The following IMMP2L variants were observed in gnomAD, a reference collection of about 807,000 sequenced individuals.
The protein encoded by IMMP2L is mitochondrial inner membrane protease subunit 2.
Under a neutral mutation model 19.3 loss-of-function variants are expected in IMMP2L, and 18 were observed. That is an observed-to-expected ratio of 0.93 (90% CI 0.64 to 1.38). The LOEUF (loss-of-function observed/expected upper bound fraction) is 1.38, where lower values mean the gene tolerates loss of function less well. IMMP2L is among the 40% of genes most tolerant of loss of function. The probability of loss-of-function intolerance (pLI) is 0.00; values close to 1 mark genes in which losing one functional copy is unlikely to be tolerated. For synonymous variants in IMMP2L, 76 were observed against 73.0 expected (o/e 1.04, Z -0.21); for missense variants, 233 against 218.2 (o/e 1.07, Z -0.43).
At chr7:110,932,174 A>T (rs1815566534) in intron 4 of IMMP2L, among the ~76,000 whole-genome samples, 1 of 152,096 alleles carries the variant, frequency 6.6e-6, no homozygotes. Flanking sequence ...ATACAGACTC[A>T]CGAGAGTGGG....
At chr7:111,500,945 C>T (rs866496247) in intron 2 of IMMP2L, among the ~76,000 whole-genome samples, 27 of 152,288 alleles carry the variant, frequency 1.8e-4, no homozygotes, top group Middle Eastern at 3.4e-3. Flanking sequence ...CGCAGCTCCT[C>T]ACCAGCAACG....
At chr7:111,396,903 T>A (rs1020499418) in intron 3 of IMMP2L, among the ~76,000 whole-genome samples, 1 of 151,878 alleles carries the variant, frequency 6.6e-6, no homozygotes, top group Admixed American at 6.6e-5. Context: ...GCTAACACGG[T>A]GAAACCCCAT....
chr7:111,360,510 A>G (rs920013010), intron 3 of IMMP2L, among the ~76,000 whole-genome samples: 1 of 152,072 alleles, frequency 6.6e-6, no homozygotes, highest in Non-Finnish European at 1.5e-5. Context: ...CAGATATTGA[A>G]GAGATTTATG....
chr7:110,677,022 A>G (rs879529331), intron 5 of IMMP2L, among the ~76,000 whole-genome samples: 8 of 152,314 alleles, frequency 5.3e-5, no homozygotes, highest in Admixed American at 5.2e-4. Flanking sequence ...TTGACAGTAC[A>G]GAGACACTGC....
At position 110,760,836 on chromosome 7, in the gene IMMP2L, A is replaced by G. The variant is rs1405640935; in HGVS notation, c.409-97115T>C. Among the ~76,000 whole-genome samples the G allele has an allele frequency of 6.6e-6, 1 of 152,126 alleles. No homozygotes were observed. The highest frequency in any genetic ancestry group is 1.5e-5 in the Non-Finnish European group (1 of 68,016). On this transcript the variant is annotated intron_variant, in intron 5 of 5. Transcript: ENST00000405709. This position sits in a 1 kb window ranked among gnomAD's most constrained non-coding sequence, Gnocchi z 4.2. ...GAACGCCAGATAGGATCATCACAGT[A>G]GGCACCTCACAAAGGTCATGCAGAC...
At chr7:111,372,532 G>T (rs981235240) in intron 3 of IMMP2L, among the ~76,000 whole-genome samples, 6 of 151,902 alleles carry the variant, frequency 3.9e-5, no homozygotes, top group African/African-American at 1.4e-4. Context: ...CAGATACCAA[G>T]GAAGGCAGAG....
chr7:111,187,963 TG>T (rs201488481), intron 3 of IMMP2L, among the ~76,000 whole-genome samples: 276 of 149,888 alleles, frequency 1.8e-3, no homozygotes, highest in East Asian at 4.5e-3. Context: ...ATGGATTTTT[TG>T]TTTTTTAAAG....
intron 5 of IMMP2L, among the ~76,000 whole-genome samples, chr7:110,773,896 A>T (rs1562967068): frequency 7.1e-6 from 1 of 140,174 alleles, no homozygotes; most frequent in Non-Finnish European, 1.5e-5. Flanking sequence ...CCAAATCATG[A>T]CATTGGGTAA....
At chr7:111,446,572 A>G (rs1410893953) in intron 3 of IMMP2L, among the ~76,000 whole-genome samples, 2 of 151,698 alleles carry the variant, frequency 1.3e-5, no homozygotes, top group Non-Finnish European at 2.9e-5. Context: ...ACCATCATCA[A>G]AGACCAAAAG....
At chr7:110,818,229 A>G (rs1325956611) in intron 5 of IMMP2L, among the ~76,000 whole-genome samples, 1 of 152,160 alleles carries the variant, frequency 6.6e-6, no homozygotes, top group African/African-American at 2.4e-5. Flanking sequence ...CAAAGGGCTA[A>G]TATCCAGAAT....
chr7:111,505,434 G>C (rs1389088278), intron 2 of IMMP2L, among the ~76,000 whole-genome samples: 1 of 151,970 alleles, frequency 6.6e-6, no homozygotes, highest in Non-Finnish European at 1.5e-5. Context: ...CAGGGATCTA[G>C]AACTAGAAAT....
intron 3 of IMMP2L, among the ~76,000 whole-genome samples, chr7:111,286,831 G>A (rs963763701): frequency 6.6e-6 from 1 of 152,146 alleles, no homozygotes; most frequent in African/African-American, 2.4e-5. Context: ...CCATCAGTGG[G>A]TGACTGAGGT....
intron 5 of IMMP2L, among the ~76,000 whole-genome samples, chr7:110,836,701 T>TA (rs941064469): frequency 1.6e-4 from 25 of 152,292 alleles, no homozygotes; most frequent in Admixed American, 6.5e-4. Flanking sequence ...CATAAGTTAT[T>TA]AAAAAATCCC....
At chr7:111,171,644 G>GA (rs1249826361) in intron 3 of IMMP2L, among the ~76,000 whole-genome samples, 1 of 151,392 alleles carries the variant, frequency 6.6e-6, no homozygotes, top group East Asian at 1.9e-4. Context: ...AATCCGGAGG[G>GA]AAAAAAGATT....
At chr7:110,914,599 T>G (rs1679451262) in intron 4 of IMMP2L, among the ~76,000 whole-genome samples, 1 of 152,148 alleles carries the variant, frequency 6.6e-6, no homozygotes, top group Admixed American at 6.6e-5. Flanking sequence ...ACCAATGATT[T>G]CATCATTCTT....
intron 3 of IMMP2L, among the ~76,000 whole-genome samples, chr7:111,118,864 C>A (rs1800230962): frequency 6.6e-6 from 1 of 152,152 alleles, no homozygotes; most frequent in South Asian, 2.1e-4. Flanking sequence ...AATATGCTCA[C>A]CACTATAAAC....
At chr7:110,748,869 C>T (rs1562953948) in intron 5 of IMMP2L, among the ~76,000 whole-genome samples, 1 of 152,164 alleles carries the variant, frequency 6.6e-6, no homozygotes. Context: ...ACACCGAAAG[C>T]AATGACATCA....
At chr7:111,548,222 A>AG (rs1849118621) in intron 1 of IMMP2L, among the ~76,000 whole-genome samples, 1 of 151,798 alleles carries the variant, frequency 6.6e-6, no homozygotes, top group South Asian at 2.1e-4. Flanking sequence ...GCTACAAAAA[A>AG]AAAGTTCTTC....
At chr7:110,955,865 T>C (rs1818303758) in intron 4 of IMMP2L, among the ~76,000 whole-genome samples, 1 of 142,524 alleles carries the variant, frequency 7.0e-6, no homozygotes, top group African/African-American at 3.1e-5. Flanking sequence ...ATGCATGATC[T>C]TCAAGAAGAA....
Sources: allele counts gnomAD v4.1 joint callset (sites outside exome capture counted in the v4.1 genomes callset), GRCh38; gene constraint gnomAD v4.1.1; non-coding constraint Gnocchi (gnomAD v3.1); transcripts MANE v1.5; gene names NCBI Gene and HGNC (gene_info 2026-07-23, HGNC 2026-07-21).